TTLL11: variants seen among roughly 807,000 people sequenced by gnomAD.
The protein encoded by TTLL11 is tubulin tyrosine ligase like 11, also known as tubulin polyglutamylase TTLL11.
A neutral mutation model predicts 51.7 loss-of-function variants in TTLL11; 42 were observed. The ratio of observed to expected loss-of-function variants is 0.81; its 90% CI spans 0.64 to 1.05. The LOEUF (loss-of-function observed/expected upper bound fraction) is 1.05. Among genes scored for constraint, TTLL11 ranks in the 50% least tolerant of loss-of-function variants. The pLI, the probability that TTLL11 is intolerant of heterozygous loss-of-function variation, is 0.00. For missense variants in TTLL11, 799 were observed against 940.4 expected (o/e 0.85, Z 1.97); for synonymous variants, 381 against 383.5 (o/e 0.99, Z 0.08).
At chr9:121,888,410 T>G (rs886706957) in intron 6 of TTLL11, among the ~76,000 whole-genome samples, 2 of 152,178 alleles carry the variant, frequency 1.3e-5, no homozygotes, top group African/African-American at 4.8e-5. Context: ...GTTTTAGGGC[T>G]CAGGAAAGAA....
chr9:121,896,217 G>A (rs531960376), intron 6 of TTLL11, among the ~76,000 whole-genome samples: 2 of 152,232 alleles, frequency 1.3e-5, no homozygotes, highest in Non-Finnish European at 2.9e-5. Flanking sequence ...GGAATGCTGG[G>A]AATGGTTCCA....
At chr9:122,030,313 G>A (rs1404997658) in intron 3 of TTLL11, among the ~76,000 whole-genome samples, 1 of 151,542 alleles carries the variant, frequency 6.6e-6, no homozygotes, top group African/African-American at 2.4e-5. Context: ...TTAATAGTTC[G>A]ATGAATTTTA....
At chr9:121,865,674 C>T (rs535547430) in intron 7 of TTLL11, among the ~76,000 whole-genome samples, 13 of 151,520 alleles carry the variant, frequency 8.6e-5, no homozygotes, top group African/African-American at 2.4e-4. Flanking sequence ...GTCTATTTCT[C>T]GGGGAAAAAG....
intron 6 of TTLL11, among the ~76,000 whole-genome samples, chr9:121,880,533 G>A (rs1838747414): frequency 6.6e-6 from 1 of 152,056 alleles, no homozygotes; most frequent in South Asian, 2.1e-4. Context: ...AACTCAATCT[G>A]CATCTTGCAC....
At chr9:121,924,889 T>C (rs370073999) in intron 6 of TTLL11, among the ~76,000 whole-genome samples, 53 of 152,262 alleles carry the variant, frequency 3.5e-4, no homozygotes, top group African/African-American at 1.2e-3. Flanking sequence ...TAGTCATTTG[T>C]CACAAGGGGC....
intron 3 of TTLL11, among the ~76,000 whole-genome samples, chr9:122,016,428 T>C (rs1286876420): frequency 2.0e-5 from 3 of 152,322 alleles, no homozygotes; most frequent in East Asian, 3.9e-4. Flanking sequence ...ATCAGCACAT[T>C]GTCTACAGGA....
intron 6 of TTLL11, among the ~76,000 whole-genome samples, chr9:121,891,127 C>T (rs998639266): frequency 1.3e-5 from 2 of 152,212 alleles, no homozygotes; most frequent in African/African-American, 4.8e-5. Flanking sequence ...ATATTACAAT[C>T]GTCCTTGAAC....
chr9:121,884,142 G>A (rs1474660187), intron 6 of TTLL11, among the ~76,000 whole-genome samples: 5 of 152,232 alleles, frequency 3.3e-5, no homozygotes, highest in Non-Finnish European at 5.9e-5. Flanking sequence ...AGAGGCTGCC[G>A]TCCCCATCCA....
At chr9:121,990,526 T>G (rs1275582671) in intron 3 of TTLL11, among the ~76,000 whole-genome samples, 4 of 152,202 alleles carry the variant, frequency 2.6e-5, no homozygotes, top group Admixed American at 2.6e-4. Flanking sequence ...GATTGATGAC[T>G]GAAGCCCTTG....
chr9:121,827,159 C>G (rs917673614), intron 8 of TTLL11, among the ~76,000 whole-genome samples: 2 of 152,098 alleles, frequency 1.3e-5, no homozygotes, highest in Non-Finnish European at 2.9e-5. Flanking sequence ...TGAGGGTTTT[C>G]TTTTTCTTCT....
At chr9:122,030,704 T>C (rs1397719125) in intron 3 of TTLL11, among the ~76,000 whole-genome samples, 13 of 150,942 alleles carry the variant, frequency 8.6e-5, no homozygotes, top group Admixed American at 7.9e-4. Context: ...GGCAGATCAC[T>C]TGAGGTCAGG....
At chr9:121,924,563 G>A (rs1210172704) in intron 6 of TTLL11, among the ~76,000 whole-genome samples, 1 of 152,178 alleles carries the variant, frequency 6.6e-6, no homozygotes, top group East Asian at 1.9e-4. Flanking sequence ...GATCGGGGAA[G>A]GAGCAGATGA....
chr9:122,002,837 T>C (rs1451800596), intron 3 of TTLL11, among the ~76,000 whole-genome samples: 1 of 150,396 alleles, frequency 6.6e-6, no homozygotes. Flanking sequence ...TCCCAGCTAC[T>C]TGGGAGGCTG....
At chr9:122,042,627 G>A (rs1437613866) in intron 1 of TTLL11, among the ~76,000 whole-genome samples, 2 of 152,178 alleles carry the variant, frequency 1.3e-5, no homozygotes, top group East Asian at 3.8e-4. Flanking sequence ...GCACATGAAT[G>A]TTTATAGCAG....
intron 3 of TTLL11, among the ~76,000 whole-genome samples, chr9:122,009,031 TA>T (rs1254393985): frequency 6.6e-6 from 1 of 152,202 alleles, no homozygotes; most frequent in African/African-American, 2.4e-5. Context: ...TACCAGGGGC[TA>T]GGGGCATTGG....
At chr9:122,065,977 T>C (rs1194222788) in intron 1 of TTLL11, among the ~76,000 whole-genome samples, 8 of 152,034 alleles carry the variant, frequency 5.3e-5, no homozygotes, top group Admixed American at 5.2e-4. Flanking sequence ...CCCTTCCCAG[T>C]GTACAGTGGA....
intron 2 of TTLL11, among the ~76,000 whole-genome samples, chr9:122,033,601 G>A (rs1266004806): frequency 6.6e-6 from 1 of 152,186 alleles, no homozygotes; most frequent in African/African-American, 2.4e-5. Context: ...CAAATGGGCA[G>A]TCAGAATGAA....
At chr9:121,886,046 C>A (rs1467096399) in intron 6 of TTLL11, among the ~76,000 whole-genome samples, 1 of 152,186 alleles carries the variant, frequency 6.6e-6, no homozygotes, top group Non-Finnish European at 1.5e-5. Flanking sequence ...TTCTTAGGAA[C>A]AGGGCCCATC....
At chr9:121,857,894 C>T (rs1481576683) in intron 8 of TTLL11, among the ~76,000 whole-genome samples, 2 of 152,168 alleles carry the variant, frequency 1.3e-5, no homozygotes, top group Non-Finnish European at 2.9e-5. Flanking sequence ...TAAATAGCTT[C>T]CTGCTGCTAC....
Sources: allele counts gnomAD v4.1 joint callset (sites outside exome capture counted in the v4.1 genomes callset), GRCh38; gene constraint gnomAD v4.1.1; transcripts MANE v1.5; gene names NCBI Gene and HGNC (gene_info 2026-07-23, HGNC 2026-07-21).